Variants in GALNT18 observed in about 807,000 individuals in gnomAD.
GALNT18 encodes polypeptide N-acetylgalactosaminyltransferase 18, also known as GalNAc-transferase 18.
Under a neutral mutation model 69.5 loss-of-function variants are expected in GALNT18, and 44 were observed. The observed-to-expected ratio is 0.63, with a 90% confidence interval of 0.50 to 0.81. GALNT18 has a LOEUF of 0.81. Ranked by LOEUF, GALNT18 falls within the 40% of genes least tolerant of loss-of-function variation. The probability of loss-of-function intolerance (pLI) is 0.00; values close to 1 mark genes in which losing one functional copy is unlikely to be tolerated. For missense variants in GALNT18, 715 were observed against 810.0 expected, an observed-to-expected ratio of 0.88 and a Z score of 1.42; for synonymous variants, 364 against 318.2, an observed-to-expected ratio of 1.14 and a Z score of -1.53.
rs1046133136 is a variant in GALNT18, at chr11:11,465,475, C to T, written c.236-16539G>A. Among the ~76,000 whole-genome samples the T allele has an allele frequency of 2.0e-5, 3 of 152,162 alleles. No individual in the cohort carries two copies. The highest frequency in any genetic ancestry group is 1.3e-4 in the Admixed American group (2 of 15,274). On this transcript the variant is annotated intron_variant, in intron 1 of 10. Transcript: ENST00000227756. This position sits in a 1 kb window ranked among gnomAD's most constrained non-coding sequence, Gnocchi z 5.7. ...GTCACGCTGCCCTCTGATCCTGGGG[C>T]TCGTGATCCGTATCCATGGCAGCTC... is the stretch of plus-strand genomic sequence containing the variant.
intron 1 of GALNT18, among the ~76,000 whole-genome samples, chr11:11,545,828 T>A (rs1486866821): frequency 6.6e-6 from 1 of 152,184 alleles, no homozygotes; most frequent in East Asian, 1.9e-4. Context: ...CCTGCATAAA[T>A]GCAGTGCCCA....
intron 3 of GALNT18, among the ~76,000 whole-genome samples, chr11:11,403,649 T>C (rs1450056868): frequency 6.6e-6 from 1 of 152,200 alleles, no homozygotes. Flanking sequence ...CCCCTGTTAT[T>C]CTGCCATGGG....
At position 11,278,829 on chromosome 11, in the gene GALNT18, C is replaced by T. The variant is rs115662527; in HGVS notation, c.1678-7539G>A. Among the ~76,000 whole-genome samples the T allele has an allele frequency of 2.8e-3, 431 of 152,194 alleles. 1 individual carries two copies. The highest frequency in any genetic ancestry group is 0.017 in the Middle Eastern group (5 of 294). On this transcript the variant is annotated intron_variant, in intron 10 of 10. Transcript: ENST00000227756. Reference sequence around the variant, plus strand: ...ATAATTAATAATAATTTATTGTATACTTTAAAATAACTAAAAGTAGAATTG... The same window carrying T: ...ATAATTAATAATAATTTATTGTATATTTTAAAATAACTAAAAGTAGAATTG...
rs1849331012 is a variant in GALNT18 at position 11,293,044 on chromosome 11, G to C, written c.1662C>G (p.His554Gln). Residue 554 changes from histidine (H) to glutamine (Q), a missense_variant, in exon 10 of 11, where the codon CAC becomes CAG. His to Gln is a conservative substitution (Grantham distance 24, BLOSUM62 0). Transcript: ENST00000227756. ...SYAKAKRMKL[H>Q]WQFSQGGPIQ... ...GGGCTGTTACCTGAGAGAACTGCCAGTGAAGCTTCATCCTCTTGGCTTTGG... is the reference window on the plus strand; with the variant it reads ...GGGCTGTTACCTGAGAGAACTGCCACTGAAGCTTCATCCTCTTGGCTTTGG... The C allele has an allele frequency of 5.8e-6, 8 of 1,385,556 alleles. No homozygotes were observed. The highest frequency in any genetic ancestry group is 7.5e-6 in the Non-Finnish European group (8 of 1,060,832). The allele number at this position is 1,385,556 out of a possible 1,614,324, so 85.8% of individuals were successfully genotyped here.
At chr11:11,462,412 G>A (rs189070610) in intron 1 of GALNT18, among the ~76,000 whole-genome samples, 20 of 151,778 alleles carry the variant, frequency 1.3e-4, no homozygotes, top group Admixed American at 7.2e-4. Context: ...TTGTAGCTGC[G>A]GTTACAGGCT....
chr11:11,283,912 A>G (rs1328215921), intron 10 of GALNT18, among the ~76,000 whole-genome samples: 2 of 152,138 alleles, frequency 1.3e-5, no homozygotes, highest in African/African-American at 4.8e-5. Context: ...GAAGGCTAAT[A>G]ATAATTCCTA....
intron 1 of GALNT18, among the ~76,000 whole-genome samples, chr11:11,482,860 C>T (rs890104192): frequency 1.8e-5 from 2 of 111,530 alleles, no homozygotes; most frequent in African/African-American, 6.9e-5. Flanking sequence ...ACAAAGCTAT[C>T]CCTTGCTCTA....
At chr11:11,286,312 T>C (rs562709773) in intron 10 of GALNT18, among the ~76,000 whole-genome samples, 32 of 152,216 alleles carry the variant, frequency 2.1e-4, no homozygotes, top group Non-Finnish European at 3.4e-4. Context: ...AAATCTGAGG[T>C]GATCGGAAGA....
rs146395135 is a variant in GALNT18, at chr11:11,549,117, C to T, written c.235+72242G>A. Among the ~76,000 whole-genome samples, 33 of 152,330 alleles carry T rather than the reference C, an allele frequency of 2.2e-4. 1 individual carries two copies. The East Asian group carries it at 4.1e-3, about 19-fold the overall frequency. On this transcript the variant is annotated intron_variant, in intron 1 of 10. Transcript: ENST00000227756. ...TGTCCTTAAAGAGAAGGGATATATG[C>T]TTCTCCATCCTCCTTCCTGCTGGCT...
chr11:11,484,500 G>C (rs2133874593), intron 1 of GALNT18, among the ~76,000 whole-genome samples: 1 of 150,546 alleles, frequency 6.6e-6, no homozygotes. Context: ...GGCTGAGGCA[G>C]GAGAATTGCT....
intron 7 of GALNT18, among the ~76,000 whole-genome samples, chr11:11,333,132 T>C (rs1850049075): frequency 6.8e-6 from 1 of 147,044 alleles, no homozygotes; most frequent in Non-Finnish European, 1.5e-5. Context: ...ATGAAAGAAA[T>C]GGGAAGAATC....
chr11:11,330,209 C>T (rs370057823), intron 8 of GALNT18, among the ~76,000 whole-genome samples: 1 of 152,074 alleles, frequency 6.6e-6, no homozygotes, highest in Non-Finnish European at 1.5e-5. Context: ...GATACTGGCT[C>T]GACTCAGAGT....
rs533943142 is a variant in GALNT18 at position 11,326,158 on chromosome 11, C to T, written c.1512+928G>A. 3.3e-5 allele frequency among the ~76,000 whole-genome samples: 5 copies of T among 151,224 alleles called. No individual in the cohort carries two copies. The East Asian group carries it at 9.7e-4, about 29-fold the overall frequency. On this transcript the variant is annotated intron_variant, in intron 9 of 10. Coordinates refer to ENST00000227756, the MANE Select transcript of GALNT18 (RefSeq NM_198516.3). ...CTCCCGGGTTCACGCCATTCTCCTG[C>T]GTCAGCCTCCTGAGTAGCTGGGACT...
chr11:11,326,266 G>A (rs1450921263), intron 9 of GALNT18, among the ~76,000 whole-genome samples: 4 of 151,988 alleles, frequency 2.6e-5, no homozygotes, highest in South Asian at 2.1e-4. Flanking sequence ...AGATGGTCTC[G>A]ATCTCCTGAA....
rs536959276 is a variant in GALNT18, at chr11:11,402,757, G to A, written c.596-23493C>T. ...TTTAATGCACCTGCCTTGCAGCTGC[G>A]GGTAAGAACAGCGTCTGCAGGAGGG... On this transcript the variant is annotated intron_variant, in intron 3 of 10. Coordinates refer to ENST00000227756, the MANE Select transcript of GALNT18 (RefSeq NM_198516.3). This position sits in a 1 kb window ranked among gnomAD's most constrained non-coding sequence, Gnocchi z 4.0. Among the ~76,000 whole-genome samples, 26 of 152,298 alleles carry A rather than the reference G, an allele frequency of 1.7e-4. No individual in the cohort carries two copies. Among genetic ancestry groups the A allele is most frequent in the South Asian group, 6.2e-4 (3 of 4,826 alleles).
At chr11:11,567,586 T>C (rs1858684398) in intron 1 of GALNT18, among the ~76,000 whole-genome samples, 1 of 152,190 alleles carries the variant, frequency 6.6e-6, no homozygotes, top group Non-Finnish European at 1.5e-5. Flanking sequence ...TCAGCGGTGC[T>C]TCTTGGGCCC....
intron 9 of GALNT18, among the ~76,000 whole-genome samples, chr11:11,311,252 C>T (rs57954977): frequency 0.076 from 11,523 of 152,294 alleles, 572 homozygotes; most frequent in South Asian, 0.17. Context: ...TACTTCTACA[C>T]TTGGTGCAAG....
intron 3 of GALNT18, among the ~76,000 whole-genome samples, chr11:11,388,153 C>T (rs1368933476): frequency 6.6e-6 from 1 of 152,140 alleles, no homozygotes; most frequent in African/African-American, 2.4e-5. Context: ...TACAGAAAGT[C>T]CCAGATTTAC....
Position 11,616,122 on chromosome 11 carries a change from C to T in GALNT18, c.235+5237G>A, listed in dbSNP as rs1272137850. On this transcript the variant is annotated intron_variant, in intron 1 of 10. Coordinates refer to ENST00000227756, the MANE Select transcript of GALNT18 (RefSeq NM_198516.3). The surrounding 1 kb of genome is among the most constrained non-coding windows in gnomAD (Gnocchi z 4.4). ...AAGTGCTGGGATTATAGGTATAAGC[C>T]ACCACGCCTGGCCAAACACTGATAG... Among the ~76,000 whole-genome samples the T allele has an allele frequency of 6.6e-6, 1 of 152,048 alleles. No individual in the cohort carries two copies. The highest frequency in any genetic ancestry group is 2.4e-5 in the African/African-American group (1 of 41,368).
Sources: allele counts gnomAD v4.1 joint callset (sites outside exome capture counted in the v4.1 genomes callset), GRCh38; gene constraint gnomAD v4.1.1; non-coding constraint Gnocchi (gnomAD v3.1); transcripts MANE v1.5; gene names NCBI Gene and HGNC (gene_info 2026-07-23, HGNC 2026-07-21).